ZNF711: variants seen among roughly 807,000 people sequenced by gnomAD.
ZNF711 encodes the protein ZFX family zinc finger ZNF711.
ZNF711 carries 3 observed loss-of-function variants against 43.5 expected under a neutral mutation model. That is an observed-to-expected ratio of 0.07 (90% CI 0.03 to 0.18). ZNF711 has a LOEUF of 0.18. Ranked by LOEUF, ZNF711 falls within the 10% of genes least tolerant of loss-of-function variation. ZNF711 has a pLI of 1.00. For missense variants in ZNF711, 412 were observed against 604.0 expected, an observed-to-expected ratio of 0.68 and a Z score of 3.33; for synonymous variants, 209 against 207.7, an observed-to-expected ratio of 1.01 and a Z score of -0.06.
At chrX:85,259,614 C>G (rs1930465263) in intron 5 of ZNF711, among the ~76,000 whole-genome samples, 1 of 110,867 alleles carries the variant, frequency 9.0e-6, no homozygotes, top group Non-Finnish European at 1.9e-5. Context: ...TTTTTCACCT[C>G]CTTGGTTAAA....
intron 4 of ZNF711, among the ~76,000 whole-genome samples, chrX:85,252,793 C>T (rs773946936): frequency 5.4e-4 from 40 of 73,986 alleles, no homozygotes; most frequent in Non-Finnish European, 7.9e-4. Flanking sequence ...AGAGTTTGAG[C>T]GGTGAGAAGG....
At chrX:85,255,865 C>G in intron 5 of ZNF711, 64 bp downstream of exon 5, 3 of 1,071,578 alleles carry the variant, frequency 2.8e-6, no homozygotes, top group Non-Finnish European at 3.8e-6. Flanking sequence ...GAAAAGTTTT[C>G]TGGGATGAGG....
In ZNF711 at chrX:85,255,130, TAAA is replaced by T; in HGVS notation, c.80-125_80-123del. 4 of 683,805 alleles carry T rather than the reference TAAA, an allele frequency of 5.8e-6. No individual in the cohort carries two copies. In the East Asian group the frequency reaches 1.4e-4, roughly 24 times the overall value. The allele number at this position is 683,805 out of a possible 1,213,427, so 56.4% of individuals were successfully genotyped here. The stretch of plus-strand genomic sequence containing the variant: ...ATTGCAGTTAAATTGTCAATGATTT[TAAA>T]AAATGATTTATTTGGCCAAGATTAC... On this transcript the variant is annotated intron_variant, in intron 4 of 10. Transcript: ENST00000674551.
chrX:85,250,714 G>A (rs1929486244), intron 4 of ZNF711, among the ~76,000 whole-genome samples: 1 of 111,612 alleles, frequency 9.0e-6, no homozygotes. Flanking sequence ...TAGATCAAGA[G>A]TAACTAATAT....
At chrX:85,247,877 A>T (rs975421031) in intron 4 of ZNF711, among the ~76,000 whole-genome samples, 1 of 111,178 alleles carries the variant, frequency 9.0e-6, no homozygotes, top group African/African-American at 3.3e-5. Flanking sequence ...ATATGGTGGT[A>T]ATATGTTACT....
At chrX:85,254,613 CAAAAAAAAAAAAAAAAA>C (rs764074077) in intron 4 of ZNF711, among the ~76,000 whole-genome samples, 6 of 4,289 alleles carry the variant, frequency 1.4e-3, no homozygotes, top group Non-Finnish European at 1.4e-3. Context: ...GACTCCGTCT[CAAAAAAAAAAAAAAAAA>C]AAAAAAAAAA....
chrX:85,252,368 T>A (rs1157557447), intron 4 of ZNF711, among the ~76,000 whole-genome samples: 1 of 111,825 alleles, frequency 8.9e-6, no homozygotes, highest in Non-Finnish European at 1.9e-5. Context: ...CCAACCAGGT[T>A]GATCTGAAAC....
rs189047145 is a variant in ZNF711 at position 85,246,277 on chromosome X, G to C, written c.-286+255G>C. On this transcript the variant is annotated intron_variant, in intron 2 of 10. Coordinates refer to ENST00000674551, the MANE Select transcript of ZNF711 (RefSeq NM_001330574.2). ...CCTCATTTTGCATAATAGCAAAGCA[G>C]AAAACAATGGCATTTGAAAAAAGAT... Among the ~76,000 whole-genome samples, 6 of 112,043 alleles carry C rather than the reference G, an allele frequency of 5.4e-5. No individual in the cohort carries two copies. The East Asian group carries it at 1.7e-3, about 31-fold the overall frequency.
chrX:85,244,160 AGCGGCGGCGG>A lies in ZNF711; in HGVS notation c.-436_-427del, dbSNP rs1928778192. ...CGGCGGCGGCGGCAGCGGCGGCGGC[AGCGGCGGCGG>A]CAGCTGTAGCTGCAGCAGCAGGTAA... On this transcript the variant is annotated 5_prime_UTR_variant, in exon 1 of 11. Coordinates refer to ENST00000674551, the MANE Select transcript of ZNF711 (RefSeq NM_001330574.2). 1 of 148,043 alleles carries A rather than the reference AGCGGCGGCGG, an allele frequency of 6.8e-6. No homozygotes were observed. The highest frequency in any genetic ancestry group is 3.3e-5 in the African/African-American group (1 of 30,243). 12.2% of individuals were successfully genotyped at this position (148,043 alleles called of 1,213,427 possible). A position where few individuals can be genotyped will look rare whatever the true frequency, so the allele number is the denominator to read the frequency against.
At chrX:85,252,346 C>T (rs1413797030) in intron 4 of ZNF711, among the ~76,000 whole-genome samples, 1 of 111,729 alleles carries the variant, frequency 9.0e-6, no homozygotes, top group Non-Finnish European at 1.9e-5. Context: ...AGTCTATCCT[C>T]TTAGAATCCA....
chrX:85,257,347 A>G (rs775582653), intron 5 of ZNF711, among the ~76,000 whole-genome samples: 19 of 110,443 alleles, frequency 1.7e-4, no homozygotes, highest in African/African-American at 6.2e-4. Flanking sequence ...AGTAATCCCC[A>G]ATGTCTGTTG....
At position 85,273,282 on chromosome X, in the gene ZNF711, C is replaced by T. The variant is rs773265211; in HGVS notation, c.*1454C>T. 9.0e-5 allele frequency: 10 copies of T among 111,517 alleles called. No homozygotes were observed. Among genetic ancestry groups the T allele is most frequent in the African/African-American group, 9.8e-5 (3 of 30,654 alleles). 9.2% of individuals were successfully genotyped at this position (111,517 alleles called of 1,213,427 possible). ...TGATGTACACGCTGTAAAATAAGAT[C>T]GCTACTGTTATGTGGGATTATTATT... is the stretch of plus-strand genomic sequence containing the variant. On this transcript the variant is annotated 3_prime_UTR_variant, in exon 11 of 11. Transcript: ENST00000674551.
intron 5 of ZNF711, 64 bp from the exon 6 acceptor site, chrX:85,264,211 C>A (rs985002736): frequency 5.1e-6 from 5 of 975,610 alleles, no homozygotes; most frequent in Non-Finnish European, 7.2e-6. Context: ...GGTAATTTTT[C>A]TTGTTTTGTT....
chrX:85,252,094 A>T (rs760968206), intron 4 of ZNF711, among the ~76,000 whole-genome samples: 5 of 111,898 alleles, frequency 4.5e-5, no homozygotes, highest in Non-Finnish European at 7.5e-5. Context: ...AAGTCAGTGG[A>T]ATCTAACAGA....
At chrX:85,261,762 T>A (rs760586640) in intron 5 of ZNF711, among the ~76,000 whole-genome samples, 2 of 111,210 alleles carry the variant, frequency 1.8e-5, no homozygotes, top group East Asian at 5.6e-4. Context: ...CCAGAAGAAT[T>A]CTGTGGTGGT....
intron 5 of ZNF711, among the ~76,000 whole-genome samples, chrX:85,264,059 C>A (rs1024560552): frequency 1.8e-5 from 2 of 110,260 alleles, no homozygotes; most frequent in East Asian, 5.7e-4. Context: ...CCTCTCCCCC[C>A]ACCTTTTTGA....
intron 9 of ZNF711, among the ~76,000 whole-genome samples, chrX:85,269,307 T>C (rs1354625963): frequency 9.0e-6 from 1 of 111,252 alleles, no homozygotes; most frequent in Non-Finnish European, 1.9e-5. Context: ...AAAATTGGTC[T>C]GATGCCAAGA....
Position 85,244,001 on chromosome X carries a change from T to C in ZNF711, c.-596T>C, listed in dbSNP as rs1359779349. On this transcript the variant is annotated 5_prime_UTR_variant, in exon 1 of 11. Coordinates refer to ENST00000674551, the MANE Select transcript of ZNF711 (RefSeq NM_001330574.2). ...GGCGGCGCGCCTCCCAGACGCAGAGTAGATTGTGATTGGCTCGGGCTGCGG... is the reference window on the plus strand; with the variant it reads ...GGCGGCGCGCCTCCCAGACGCAGAGCAGATTGTGATTGGCTCGGGCTGCGG... 1 of 115,316 alleles carries C rather than the reference T, an allele frequency of 8.7e-6. No homozygotes were observed. Among genetic ancestry groups the C allele is most frequent in the Non-Finnish European group, 1.8e-5 (1 of 56,524 alleles). 9.5% of individuals were successfully genotyped at this position (115,316 alleles called of 1,213,427 possible). A position where few individuals can be genotyped will look rare whatever the true frequency, so the allele number is the denominator to read the frequency against.
intron 4 of ZNF711, among the ~76,000 whole-genome samples, chrX:85,248,179 A>G (rs1192089262): frequency 1.8e-5 from 2 of 108,365 alleles, no homozygotes; most frequent in Non-Finnish European, 3.8e-5. Flanking sequence ...TTTTTAAAAA[A>G]AAAAAAGAGG....
Sources: gnomAD v4.1 joint callset for allele counts (sites outside exome capture counted in the v4.1 genomes callset) on GRCh38, gnomAD v4.1.1 for gene constraint, MANE v1.5 for transcripts, NCBI Gene and HGNC (gene_info 2026-07-23, HGNC 2026-07-21) for gene names.